Variants in ZP3 observed in about 807,000 individuals in gnomAD.
The protein encoded by ZP3 is zona pellucida sperm-binding protein 3.
Under a neutral mutation model 35.6 loss-of-function variants are expected in ZP3, and 21 were observed. The observed-to-expected ratio is 0.59, with a 90% confidence interval of 0.42 to 0.85. The LOEUF is 0.85. ZP3 is among the 40% of genes least tolerant of loss of function. The pLI, the probability that ZP3 is intolerant of heterozygous loss-of-function variation, is 0.00. For missense variants in ZP3, 437 were observed against 536.5 expected, an observed-to-expected ratio of 0.81 and a Z score of 1.83; for synonymous variants, 207 against 214.5, an observed-to-expected ratio of 0.96 and a Z score of 0.31.
At position 76,397,928 on chromosome 7, in the gene ZP3, T is replaced by G. The variant is rs1584023119; in HGVS notation, c.-67+131T>G. The G allele has an allele frequency of 7.2e-6, 9 of 1,252,620 alleles. No homozygotes were observed. In the East Asian group the frequency reaches 2.4e-4, roughly 33 times the overall value. 77.6% of individuals were successfully genotyped at this position (1,252,620 alleles called of 1,614,324 possible). On this transcript the variant is annotated intron_variant, in intron 1 of 8. Coordinates refer to the ZP3 transcript ENST00000336517. ...CCCGGTGTCCCAGGATCTACAACCC[T>G]TGGGCATCTGCTCACCCCGCTGCCC...
chr7:76,400,007 A>T (rs906657472), intron 1 of ZP3, among the ~76,000 whole-genome samples: 1 of 152,060 alleles, frequency 6.6e-6, no homozygotes, highest in African/African-American at 2.4e-5. Context: ...CTCTAAAAAA[A>T]TTTTTTTTAA....
At chr7:76,441,475 A>G (rs1754205) in intron 7 of ZP3, among the ~76,000 whole-genome samples, 5,144 of 150,052 alleles carry the variant, frequency 0.034, 232 homozygotes, top group African/African-American at 0.11. Flanking sequence ...TGAAACCTCT[A>G]CCTCCCAGGT....
At chr7:76,400,558 C>A in intron 1 of ZP3, 1 of 1,504,104 alleles carries the variant, frequency 6.6e-7, no homozygotes, top group South Asian at 1.3e-5. Context: ...CAGGCGGCCC[C>A]GGCAGCGGCT....
At chr7:76,431,984 A>G (rs529251515) in intron 2 of ZP3, among the ~76,000 whole-genome samples, 1 of 151,766 alleles carries the variant, frequency 6.6e-6, no homozygotes, top group Non-Finnish European at 1.5e-5. Flanking sequence ...TCAGACCCCA[A>G]ACCTGAACCT....
intron 1 of ZP3, among the ~76,000 whole-genome samples, chr7:76,411,568 T>C (rs1805244770): frequency 1.3e-5 from 2 of 150,972 alleles, no homozygotes. Context: ...GACCCTGTTT[T>C]AGGGGAAAAA....
intron 1 of ZP3, chr7:76,401,087 A>G (rs991056735): frequency 4.7e-6 from 7 of 1,503,924 alleles, no homozygotes; most frequent in Middle Eastern, 1.7e-4. Context: ...TGCCCACACC[A>G]TGGCTCCCTG....
intron 1 of ZP3, among the ~76,000 whole-genome samples, chr7:76,405,327 C>CTTTT (rs1804979494): frequency 1.9e-4 from 4 of 20,842 alleles, no homozygotes; most frequent in African/African-American, 4.4e-4. Flanking sequence ...GTATTTTTTT[C>CTTTT]TTTCTTTCTT....
chr7:76,410,433 C>T (rs570900164), intron 1 of ZP3, among the ~76,000 whole-genome samples: 6 of 150,496 alleles, frequency 4.0e-5, no homozygotes, highest in East Asian at 2.0e-4. Flanking sequence ...CTCACAGCAA[C>T]GTCCGTCTCC....
intron 5 of ZP3, among the ~76,000 whole-genome samples, chr7:76,436,684 G>A (rs1483891464): frequency 6.6e-6 from 1 of 152,268 alleles, no homozygotes; most frequent in Non-Finnish European, 1.5e-5. Flanking sequence ...TGGGGATAAA[G>A]GAGGGCAGAT....
intron 1 of ZP3, among the ~76,000 whole-genome samples, chr7:76,428,164 TAA>T (rs71521125): frequency 2.0e-4 from 27 of 133,878 alleles, no homozygotes; most frequent in East Asian, 6.7e-4. Context: ...TGTCTCTATT[TAA>T]AAAAAAAAAA....
chr7:76,441,208 G>A (rs1278552783), intron 7 of ZP3, among the ~76,000 whole-genome samples: 1 of 151,694 alleles, frequency 6.6e-6, no homozygotes, highest in Non-Finnish European at 1.5e-5. Flanking sequence ...ACAGTGGGTT[G>A]TGCCTATAAT....
At chr7:76,438,147 T>C (rs1482654237) in intron 5 of ZP3, among the ~76,000 whole-genome samples, 1 of 152,236 alleles carries the variant, frequency 6.6e-6, no homozygotes, top group Non-Finnish European at 1.5e-5. Context: ...GGAGGAATTT[T>C]AGCCCTGCCT....
At chr7:76,400,349 C>A in intron 1 of ZP3, 2 of 1,536,040 alleles carry the variant, frequency 1.3e-6, no homozygotes, top group Non-Finnish European at 8.8e-7. Flanking sequence ...CCGCGGCTGC[C>A]GCACTCGCTC....
intron 1 of ZP3, among the ~76,000 whole-genome samples, chr7:76,411,931 G>T (rs1387211823): frequency 2.6e-5 from 4 of 152,090 alleles, no homozygotes; most frequent in African/African-American, 9.7e-5. Context: ...GGTGGCGTGT[G>T]CCTGTAGTCT....
rs773910150 is a variant in ZP3, at chr7:76,425,151, G to A, written c.187G>A (p.Gly63Arg). The A allele has an allele frequency of 1.9e-5, 31 of 1,613,956 alleles. No homozygotes were observed. Among genetic ancestry groups the A allele is most frequent in the Middle Eastern group, 3.3e-4 (2 of 6,062 alleles). Reference protein sequence around the residue: ...VMVSKDLFGTGKLIRAADLTL... With the variant: ...VMVSKDLFGTRKLIRAADLTL... ...GGTCAGCAAAGACCTTTTTGGCACC[G>A]GGAAGCTCATCAGGGCTGCTGACCT... is the stretch of plus-strand genomic sequence containing the variant. Residue 63 changes from glycine to arginine, a missense_variant, in exon 1 of 8, where the codon GGG (glycine) becomes AGG (arginine). Gly to Arg is a moderately radical substitution (Grantham distance 125, BLOSUM62 -2). Transcript: ENST00000394857.
chr7:76,425,330 G>T (rs887065060), intron 1 of ZP3, 54 bp downstream of exon 1: 2 of 1,538,746 alleles, frequency 1.3e-6, no homozygotes, highest in East Asian at 2.3e-5. Context: ...AGGCAGCCGG[G>T]TATGGGGACT....
chr7:76,400,541 T>C, intron 1 of ZP3: 1 of 1,551,116 alleles, frequency 6.4e-7, no homozygotes, highest in Non-Finnish European at 8.7e-7. Flanking sequence ...CCACCGTGCA[T>C]GACTTCCAGG....
At chr7:76,407,086 G>A (rs1027984225) in intron 1 of ZP3, among the ~76,000 whole-genome samples, 7 of 151,970 alleles carry the variant, frequency 4.6e-5, no homozygotes, top group Admixed American at 2.0e-4. Context: ...TCAGCCTCCC[G>A]AGTAGCTGGG....
chr7:76,435,008 G>A (rs1179760962), intron 5 of ZP3, among the ~76,000 whole-genome samples: 1 of 152,222 alleles, frequency 6.6e-6, no homozygotes, highest in Non-Finnish European at 1.5e-5. Flanking sequence ...AGTAGGAAGT[G>A]CAGGTGCAAG....
Sources: gnomAD v4.1 joint callset for allele counts (sites outside exome capture counted in the v4.1 genomes callset) on GRCh38, gnomAD v4.1.1 for gene constraint, MANE v1.5 for transcripts, NCBI Gene and HGNC (gene_info 2026-07-23, HGNC 2026-07-21) for gene names.